The following TDRD15 variants were observed in gnomAD, a reference collection of about 807,000 sequenced individuals.
The protein encoded by TDRD15 is tudor domain-containing protein 15.
For missense variants in TDRD15, 1,416 were observed against 904.7 expected (o/e 1.57, Z -7.25); for synonymous variants, 503 against 314.5 (o/e 1.60, Z -6.34).
At chr2:21,132,630 G>T (rs993499963) in intron 2 of TDRD15, among the ~76,000 whole-genome samples, 5 of 151,968 alleles carry the variant, frequency 3.3e-5, no homozygotes, top group Non-Finnish European at 5.9e-5. Flanking sequence ...AAATTAAATT[G>T]ATTTTAATGT....
rs927598167 is a variant in TDRD15, at chr2:21,142,538, T to C, written c.5071T>C (p.Leu1691=). The change falls in exon 4 of 4, where the codon TTG becomes CTG. Residue 1691 remains leucine (L), a synonymous_variant. Coordinates refer to ENST00000405799, the MANE Select transcript of TDRD15 (RefSeq NM_001306137.2). ...DDLLLLEYLN[L]NTVPVEENKL... ...CCTGTTACTTTTGGAATACTTAAATTTGAATACAGTTCCTGTTGAAGAAAA... is the reference window on the plus strand; with the variant it reads ...CCTGTTACTTTTGGAATACTTAAATCTGAATACAGTTCCTGTTGAAGAAAA... 1 of 702,018 alleles carries C rather than the reference T, an allele frequency of 1.4e-6. No individual in the cohort carries two copies. Among genetic ancestry groups the C allele is most frequent in the South Asian group, 1.6e-5 (1 of 64,484 alleles). The allele number at this position is 702,018 out of a possible 1,614,324, so 43.5% of individuals were successfully genotyped here. A position where few individuals can be genotyped will look rare whatever the true frequency, so the allele number is the denominator to read the frequency against.
In TDRD15 at chr2:21,141,799, G is replaced by T; in HGVS notation, c.4332G>T (p.Leu1444Phe). The T allele has an allele frequency of 1.4e-6, 1 of 712,170 alleles. No homozygotes were observed. The highest frequency in any genetic ancestry group is 1.5e-5 in the South Asian group (1 of 66,606). The allele number at this position is 712,170 out of a possible 1,614,324, so 44.1% of individuals were successfully genotyped here. The change falls in exon 4 of 4, where the codon TTG (leucine) becomes TTT (phenylalanine). Residue 1444 changes from leucine to phenylalanine, a missense_variant. By Grantham distance (22) the Leu-to-Phe change is conservative. Transcript: ENST00000405799. ...VHNKTVYCEF[L>F]KKHDQKWEVN... is the part of the protein sequence containing the mutation. Reference sequence around the variant, plus strand: ...ACAAAACAGTTTATTGTGAATTTTTGAAAAAGCATGATCAGAAATGGGAAG... The same window carrying T: ...ACAAAACAGTTTATTGTGAATTTTTTAAAAAGCATGATCAGAAATGGGAAG...
Position 21,137,917 on chromosome 2 carries a change from A to G in TDRD15, c.450A>G (p.Ile150Met), listed in dbSNP as rs939537628. 3 of 716,526 alleles carry G rather than the reference A, an allele frequency of 4.2e-6. No individual in the cohort carries two copies. The highest frequency in any genetic ancestry group is 1.7e-5 in the African/African-American group (1 of 57,148). 44.4% of individuals were successfully genotyped at this position (716,526 alleles called of 1,614,324 possible). Reference protein sequence around the residue: ...ALNYFKSLVGIQVKGYVQAIL... With the variant: ...ALNYFKSLVGMQVKGYVQAIL... The stretch of plus-strand genomic sequence containing the variant: ...ATTATTTCAAGTCATTAGTAGGAAT[A>G]CAAGTGAAAGGTTATGTGCAAGCTA... The change falls in exon 4 of 4, where the codon ATA becomes ATG. Residue 150 changes from isoleucine to methionine, a missense_variant. Ile to Met is a conservative substitution (Grantham distance 10). Transcript: ENST00000405799.
rs768387490 is a variant in TDRD15, at chr2:21,142,477, A to G, written c.5010A>G (p.Leu1670=). 38 of 705,280 alleles carry G rather than the reference A, an allele frequency of 5.4e-5. No homozygotes were observed. The Middle Eastern group carries it at 7.0e-4, about 13-fold the overall frequency. 43.7% of individuals were successfully genotyped at this position (705,280 alleles called of 1,614,324 possible). Residue 1670 remains leucine, a synonymous_variant, in exon 4 of 4, where the codon TTA becomes TTG. Coordinates refer to ENST00000405799, the MANE Select transcript of TDRD15 (RefSeq NM_001306137.2). Reference sequence around the variant, plus strand: ...TAAATATTCTTTTCCTGAAATATTTAGATGCTGTTTGGGAAGTAGAAATTT... The same window carrying G: ...TAAATATTCTTTTCCTGAAATATTTGGATGCTGTTTGGGAAGTAGAAATTT... ...LEINILFLKY[L]DAVWEVEILV...
At position 21,143,038 on chromosome 2, in the gene TDRD15, A is replaced by C. The variant is rs751019793; in HGVS notation, c.5571A>C (p.Lys1857Asn). The C allele has an allele frequency of 2.0e-5, 14 of 690,996 alleles. No individual in the cohort carries two copies. In the African/African-American group the frequency reaches 2.5e-4, roughly 12 times the overall value. The allele number at this position is 690,996 out of a possible 1,614,324, so 42.8% of individuals were successfully genotyped here. Residue 1857 changes from lysine to asparagine, a missense_variant, in exon 4 of 4, where the codon AAA (lysine) becomes AAC (asparagine). Lys to Asn is a moderately conservative substitution (Grantham distance 94, BLOSUM62 0). Coordinates refer to ENST00000405799, the MANE Select transcript of TDRD15 (RefSeq NM_001306137.2). ...TTTTATATGGTATCTTACCTGCTAAAGGAAAACATTGGAGTGAAGAAGCCA... is the reference window on the plus strand; with the variant it reads ...TTTTATATGGTATCTTACCTGCTAACGGAAAACATTGGAGTGAAGAAGCCA... The part of the protein sequence containing the change: ...PCILYGILPA[K>N]GKHWSEEAKI...
rs1024431829 is a variant in TDRD15 at position 21,142,795 on chromosome 2, G to T, written c.5328G>T (p.Leu1776Phe). 1.4e-5 allele frequency: 10 copies of T among 714,826 alleles called. No individual in the cohort carries two copies. The highest frequency in any genetic ancestry group is 2.3e-5 in the Non-Finnish European group (9 of 383,566). The allele number at this position is 714,826 out of a possible 1,614,324, so 44.3% of individuals were successfully genotyped here. Residue 1776 changes from leucine to phenylalanine, a missense_variant, in exon 4 of 4, where the codon TTG becomes TTT. Transcript: ENST00000405799. Reference protein sequence around the residue: ...LSDLPETLQTLPQEFIIPGSS... With the variant: ...LSDLPETLQTFPQEFIIPGSS... ...ATCTACCAGAGACCTTACAAACATTGCCTCAGGAGTTCATAATTCCCGGTT... is the reference window on the plus strand; with the variant it reads ...ATCTACCAGAGACCTTACAAACATTTCCTCAGGAGTTCATAATTCCCGGTT...
At chr2:21,132,027 C>T (rs1051732469) in intron 2 of TDRD15, among the ~76,000 whole-genome samples, 3 of 152,032 alleles carry the variant, frequency 2.0e-5, no homozygotes, top group Admixed American at 6.6e-5. Flanking sequence ...TCAGGGAATG[C>T]GTCACCTAGA....
At chr2:21,130,025 C>A (rs554051453) in intron 2 of TDRD15, among the ~76,000 whole-genome samples, 1 of 152,040 alleles carries the variant, frequency 6.6e-6, no homozygotes, top group Non-Finnish European at 1.5e-5. Context: ...CAATCCTACT[C>A]CCTGATAACC....
chr2:21,137,312 C>A (rs1269949808), intron 3 of TDRD15, among the ~76,000 whole-genome samples, 153 bp from the exon 4 acceptor site: 1 of 151,918 alleles, frequency 6.6e-6, no homozygotes, highest in African/African-American at 2.4e-5. Context: ...ATTTCACCAG[C>A]GTCTCATTCG....
intron 2 of TDRD15, among the ~76,000 whole-genome samples, chr2:21,130,873 A>G (rs916711535): frequency 6.6e-6 from 1 of 152,204 alleles, no homozygotes; most frequent in Non-Finnish European, 1.5e-5. Flanking sequence ...TAGCAGTAAA[A>G]ATGAATGATA....
In TDRD15 at chr2:21,139,311, A is replaced by G. The variant is rs1371267117; in HGVS notation, c.1844A>G (p.Tyr615Cys). Residue 615 changes from tyrosine (Y) to cysteine (C), a missense_variant, in exon 4 of 4, where the codon TAT becomes TGT. Tyr to Cys is a radical substitution (Grantham distance 194). Transcript: ENST00000405799. ...TTATGGACTAAGGCTGCAATTGATT[A>G]TTTTAAAAAATTAGTTTTGAACAAA... ...EDLWTKAAID[Y>C]FKKLVLNKAI... The G allele has an allele frequency of 1.3e-5, 9 of 707,294 alleles. No individual in the cohort carries two copies. The South Asian group carries it at 1.4e-4, about 11-fold the overall frequency. 43.8% of individuals were successfully genotyped at this position (707,294 alleles called of 1,614,324 possible). A position where few individuals can be genotyped will look rare whatever the true frequency, so the allele number is the denominator to read the frequency against.
Position 21,141,459 on chromosome 2 carries a change from C to G in TDRD15, c.3992C>G (p.Thr1331Arg). 1 of 713,120 alleles carries G rather than the reference C, an allele frequency of 1.4e-6. No individual in the cohort carries two copies. Among genetic ancestry groups the G allele is most frequent in the Non-Finnish European group, 2.6e-6 (1 of 383,160 alleles). The allele number at this position is 713,120 out of a possible 1,614,324, so 44.2% of individuals were successfully genotyped here. A position where few individuals can be genotyped will look rare whatever the true frequency, so the allele number is the denominator to read the frequency against. Residue 1331 changes from threonine (T) to arginine (R), a missense_variant, in exon 4 of 4, where the codon ACA becomes AGA. Thr to Arg is a moderately conservative substitution (Grantham distance 71). Coordinates refer to ENST00000405799, the MANE Select transcript of TDRD15 (RefSeq NM_001306137.2). ...IIRLADALNA[T>R]ARRLRERKSV... ...AGACTTGCTGATGCTCTAAATGCAA[C>G]AGCAAGGAGATTGAGAGAGAGAAAA...
rs1198900945 is a variant in TDRD15, at chr2:21,140,199, A to G, written c.2732A>G (p.Asn911Ser). Reference sequence around the variant, plus strand: ...TATGCCTTAGTTATTATACATCCAAACCATTTATATAACTTAGTGGATTTA... The same window carrying G: ...TATGCCTTAGTTATTATACATCCAAGCCATTTATATAACTTAGTGGATTTA... ...IIYALVIIHP[N>S]HLYNLVDLQS... is the part of the protein sequence containing the mutation. Residue 911 changes from asparagine to serine, a missense_variant, in exon 4 of 4, where the codon AAC (asparagine) becomes AGC (serine). Coordinates refer to ENST00000405799, the MANE Select transcript of TDRD15 (RefSeq NM_001306137.2). 4 of 715,160 alleles carry G rather than the reference A, an allele frequency of 5.6e-6. No homozygotes were observed. In the Admixed American group the frequency reaches 6.0e-5, roughly 11 times the overall value. The allele number at this position is 715,160 out of a possible 1,614,324, so 44.3% of individuals were successfully genotyped here.
In TDRD15 at chr2:21,144,056, C is replaced by A. The variant is rs981952729; in HGVS notation, c.*784C>A. ...GCGCTTATTTTGAAGAATCATTTTT[C>A]TGTTATATATAGTTTTATATCATAT... On this transcript the variant is annotated 3_prime_UTR_variant, in exon 4 of 4. Coordinates refer to ENST00000405799, the MANE Select transcript of TDRD15 (RefSeq NM_001306137.2). 6.6e-6 allele frequency among the ~76,000 whole-genome samples: 1 copy of A among 151,648 alleles called. No individual in the cohort carries two copies. Among genetic ancestry groups the A allele is most frequent in the African/African-American group, 2.4e-5 (1 of 41,358 alleles).
At chr2:21,128,718 T>A (rs1665649664) in intron 2 of TDRD15, among the ~76,000 whole-genome samples, 1 of 152,158 alleles carries the variant, frequency 6.6e-6, no homozygotes. Flanking sequence ...CTTAAGATTG[T>A]CCACCTTATC....
chr2:21,132,052 C>T (rs1379548422), intron 2 of TDRD15, among the ~76,000 whole-genome samples: 1 of 152,046 alleles, frequency 6.6e-6, no homozygotes, highest in East Asian at 1.9e-4. Flanking sequence ...GATCTTCTGA[C>T]CAAAACTTGG....
rs1287848053 is a variant in TDRD15 at position 21,142,817 on chromosome 2, G to A, written c.5350G>A (p.Gly1784Ser). ...ATTGCCTCAGGAGTTCATAATTCCC[G>A]GTTCTAGTTGTTTGTTCAAATATAA... The part of the protein sequence containing the change: ...QTLPQEFIIP[G>S]SSCLFKYKSE... Residue 1784 changes from glycine to serine, a missense_variant, in exon 4 of 4, where the codon GGT becomes AGT. Physicochemically the swap from Gly to Ser is moderately conservative, Grantham distance 56 (BLOSUM62 0). Coordinates refer to ENST00000405799, the MANE Select transcript of TDRD15 (RefSeq NM_001306137.2). The A allele has an allele frequency of 5.6e-6, 4 of 714,606 alleles. No individual in the cohort carries two copies. Among genetic ancestry groups the A allele is most frequent in the African/African-American group, 3.5e-5 (2 of 57,092 alleles). The allele number at this position is 714,606 out of a possible 1,614,324, so 44.3% of individuals were successfully genotyped here.
At chr2:21,134,506 G>A (rs1355638859) in intron 2 of TDRD15, among the ~76,000 whole-genome samples, 2 of 151,796 alleles carry the variant, frequency 1.3e-5, no homozygotes, top group Non-Finnish European at 2.9e-5. Context: ...TCCCGATACT[G>A]TGCTATCAAA....
chr2:21,128,523 C>T (rs572864143), intron 2 of TDRD15, among the ~76,000 whole-genome samples: 40 of 152,040 alleles, frequency 2.6e-4, no homozygotes, highest in African/African-American at 7.2e-4. Context: ...AGGGTTTCAC[C>T]GTGTTAGCCA....
Sources: gnomAD v4.1 joint callset for allele counts (sites outside exome capture counted in the v4.1 genomes callset) on GRCh38, gnomAD v4.1.1 for gene constraint, MANE v1.5 for transcripts, NCBI Gene and HGNC (gene_info 2026-07-23, HGNC 2026-07-21) for gene names.